The following FTO variants were observed in gnomAD, a reference collection of about 807,000 sequenced individuals.
FTO encodes the protein alpha-ketoglutarate-dependent dioxygenase FTO.
Under a neutral mutation model 63.9 loss-of-function variants are expected in FTO, and 47 were observed. That is an observed-to-expected ratio of 0.74 (90% CI 0.58 to 0.94). The LOEUF is 0.94. FTO is among the 40% of genes least tolerant of loss of function. FTO has a pLI of 0.00. For missense variants in FTO, 562 were observed against 618.1 expected (o/e 0.91, Z 0.96); for synonymous variants, 207 against 224.4 (o/e 0.92, Z 0.69).
chr16:53,771,023 CA>C (rs1200938811), intron 1 of FTO, among the ~76,000 whole-genome samples: 2 of 152,116 alleles, frequency 1.3e-5, no homozygotes, highest in Non-Finnish European at 2.9e-5. Context: ...ATTACAAAAG[CA>C]AACTATCCAG....
chr16:53,864,288 G>C (rs866050576), intron 4 of FTO, among the ~76,000 whole-genome samples: 23 of 152,266 alleles, frequency 1.5e-4, no homozygotes, highest in African/African-American at 5.1e-4. Flanking sequence ...GTTTCTCTAA[G>C]AAATTTGGGT....
intron 1 of FTO, among the ~76,000 whole-genome samples, chr16:53,722,055 C>A (rs2076052957): frequency 6.6e-6 from 1 of 152,206 alleles, no homozygotes; most frequent in Admixed American, 6.5e-5. Context: ...TTGTATGATC[C>A]ACCAGACTGT....
chr16:53,823,843 C>A (rs1038326807), intron 2 of FTO, among the ~76,000 whole-genome samples: 21 of 152,198 alleles, frequency 1.4e-4, no homozygotes, highest in African/African-American at 5.1e-4. Flanking sequence ...CAAGATCATG[C>A]CATTGCACTC....
chr16:54,083,035 T>C (rs1161243692), intron 8 of FTO, among the ~76,000 whole-genome samples: 3 of 152,252 alleles, frequency 2.0e-5, no homozygotes, highest in African/African-American at 7.2e-5. Flanking sequence ...GATTAGATTT[T>C]TATTAAGGGT....
intron 2 of FTO, among the ~76,000 whole-genome samples, chr16:53,820,223 G>T (rs2078820441): frequency 6.6e-6 from 1 of 151,774 alleles, no homozygotes; most frequent in Non-Finnish European, 1.5e-5. Context: ...TGGCCAGGTT[G>T]GTCTCGAGCT....
At chr16:54,098,341 C>T (rs1190967934) in intron 8 of FTO, among the ~76,000 whole-genome samples, 4 of 152,108 alleles carry the variant, frequency 2.6e-5, no homozygotes, top group Non-Finnish European at 4.4e-5. Flanking sequence ...CCAGAAAGAC[C>T]CAGGAACCTC....
intron 1 of FTO, among the ~76,000 whole-genome samples, chr16:53,718,051 C>T (rs1207293257): frequency 2.0e-5 from 3 of 152,078 alleles, no homozygotes; most frequent in East Asian, 1.9e-4. Context: ...CCCCATGTGC[C>T]CCACCAGTCT....
intron 1 of FTO, among the ~76,000 whole-genome samples, chr16:53,800,410 T>C (rs548595943): frequency 1.3e-5 from 2 of 152,302 alleles, no homozygotes; most frequent in South Asian, 4.1e-4. Flanking sequence ...CCAGAGATGG[T>C]CTGTCTTAGC....
At chr16:54,020,002 A>G (rs1308260488) in intron 8 of FTO, among the ~76,000 whole-genome samples, 1 of 152,206 alleles carries the variant, frequency 6.6e-6, no homozygotes, top group South Asian at 2.1e-4. Context: ...AAATTTGGAA[A>G]ATTATCTGGC....
intron 1 of FTO, among the ~76,000 whole-genome samples, chr16:53,732,362 T>C (rs902994380): frequency 1.3e-5 from 2 of 152,194 alleles, no homozygotes; most frequent in African/African-American, 2.4e-5. Flanking sequence ...ATTGTGGTCT[T>C]CTTAAAGGAA....
At chr16:53,771,716 A>G (rs1309110672) in intron 1 of FTO, among the ~76,000 whole-genome samples, 1 of 152,104 alleles carries the variant, frequency 6.6e-6, no homozygotes. Flanking sequence ...AAAAACCCAA[A>G]CGCCCATCAA....
chr16:53,963,186 T>C (rs554199739), intron 8 of FTO, among the ~76,000 whole-genome samples: 1 of 152,336 alleles, frequency 6.6e-6, no homozygotes, highest in East Asian at 1.9e-4. Flanking sequence ...ATAACACAAG[T>C]AAAAGTTGCT....
intron 8 of FTO, among the ~76,000 whole-genome samples, chr16:54,038,660 T>G (rs1178138199): frequency 1.6e-4 from 24 of 152,174 alleles, no homozygotes. Context: ...GAGTTCTCAC[T>G]CTATTAGTTC....
chr16:53,939,567 TC>T (rs1165087956), intron 8 of FTO, among the ~76,000 whole-genome samples: 1 of 152,188 alleles, frequency 6.6e-6, no homozygotes, highest in East Asian at 1.9e-4. Flanking sequence ...TTCCAGAGCA[TC>T]TTCCTTCCCC....
intron 8 of FTO, among the ~76,000 whole-genome samples, chr16:54,088,366 A>T (rs1174872495): frequency 9.2e-5 from 14 of 152,126 alleles, no homozygotes; most frequent in African/African-American, 2.9e-4. Flanking sequence ...TCAGTGATGG[A>T]TTTTGCTTCC....
intron 8 of FTO, among the ~76,000 whole-genome samples, chr16:53,946,418 G>A (rs1047819289): frequency 3.9e-5 from 6 of 152,040 alleles, no homozygotes; most frequent in Admixed American, 2.0e-4. Context: ...TGCTCAGGAC[G>A]TTACTTTTTA....
At chr16:53,912,215 C>T (rs1215658091) in intron 7 of FTO, among the ~76,000 whole-genome samples, 1 of 152,144 alleles carries the variant, frequency 6.6e-6, no homozygotes, top group Non-Finnish European at 1.5e-5. Context: ...ACCTCACTTA[C>T]AGTTACCTGT....
intron 1 of FTO, among the ~76,000 whole-genome samples, chr16:53,772,839 T>C (rs1398709107): frequency 1.3e-5 from 2 of 152,170 alleles, no homozygotes; most frequent in East Asian, 3.9e-4. Flanking sequence ...TAAATCTTTG[T>C]ACAGAGTTCC....
chr16:54,079,234 C>CTA (rs1231592999), intron 8 of FTO, among the ~76,000 whole-genome samples: 1 of 152,084 alleles, frequency 6.6e-6, no homozygotes, highest in Non-Finnish European at 1.5e-5. Context: ...TTATGAAGAT[C>CTA]TAGTGAGTTC....
Sources: gnomAD v4.1 joint callset for allele counts (sites outside exome capture counted in the v4.1 genomes callset) on GRCh38, gnomAD v4.1.1 for gene constraint, MANE v1.5 for transcripts, NCBI Gene and HGNC (gene_info 2026-07-23, HGNC 2026-07-21) for gene names.